ADGRL3: variants seen among roughly 807,000 people sequenced by gnomAD.
ADGRL3 encodes the protein calcium-independent alpha-latrotoxin receptor 3.
Under a neutral mutation model 153.5 loss-of-function variants are expected in ADGRL3, and 62 were observed. The observed-to-expected ratio is 0.40, with a 90% CI of 0.33 to 0.50. ADGRL3 has a LOEUF of 0.50. Ranked by LOEUF, ADGRL3 falls within the 20% of genes least tolerant of loss-of-function variation. The probability of loss-of-function intolerance (pLI) is 0.47; values close to 1 mark genes in which losing one functional copy is unlikely to be tolerated. For synonymous variants in ADGRL3, 710 were observed against 672.5 expected, an observed-to-expected ratio of 1.06 and a Z score of -0.86; for missense variants, 1,641 against 1,859.4, an observed-to-expected ratio of 0.88 and a Z score of 2.16.
At chr4:62,015,915 A>G (rs1042963034) in intron 21 of ADGRL3, among the ~76,000 whole-genome samples, 1 of 151,854 alleles carries the variant, frequency 6.6e-6, no homozygotes, top group African/African-American at 2.4e-5. Flanking sequence ...ATAATTTATA[A>G]TATATAAACT....
Position 61,565,776 on chromosome 4 carries a change from GA to G in ADGRL3, c.260-21450del, listed in dbSNP as rs752421167. Among the ~76,000 whole-genome samples, 11 of 152,090 alleles carry G rather than the reference GA, an allele frequency of 7.2e-5. No individual in the cohort carries two copies. In the East Asian group the frequency reaches 1.4e-3, roughly 19 times the overall value. ...TGGTCTTGAACTCCTGGCCTCAGGG[GA>G]TCTGCCTGCCTAGGCCTCCCAAAGT... On this transcript the variant is annotated intron_variant, in intron 4 of 26. Coordinates refer to ENST00000683033, the MANE Select transcript of ADGRL3 (RefSeq NM_001387552.1).
Position 61,307,797 on chromosome 4 carries a change from C to G in ADGRL3, c.-239-75327C>G, listed in dbSNP as rs527758365. On this transcript the variant is annotated intron_variant, in intron 1 of 26. Coordinates refer to ENST00000683033, the MANE Select transcript of ADGRL3 (RefSeq NM_001387552.1). Reference sequence around the variant, plus strand: ...GTACTGAAGGATGAATTCTGTAATCCAGTCATTGGATAATTAGCAATTTGA... The same window carrying G: ...GTACTGAAGGATGAATTCTGTAATCGAGTCATTGGATAATTAGCAATTTGA... Among the ~76,000 whole-genome samples the G allele has an allele frequency of 3.3e-5, 5 of 152,174 alleles. No individual in the cohort carries two copies. The South Asian group carries it at 1.0e-3, about 32-fold the overall frequency.
chr4:61,428,186 G>A (rs115130840), intron 2 of ADGRL3: 2,367 of 152,766 alleles, frequency 0.015, 58 homozygotes, highest in African/African-American at 0.054. Flanking sequence ...CACTCGGGGG[G>A]CCGTAGGCAG....
chr4:61,750,635 CA>C (rs2096743410), intron 8 of ADGRL3, among the ~76,000 whole-genome samples: 2 of 151,894 alleles, frequency 1.3e-5, no homozygotes, highest in Non-Finnish European at 1.5e-5. Context: ...ACTAAAAATA[CA>C]AAATTTAGCC....
intron 2 of ADGRL3, among the ~76,000 whole-genome samples, chr4:61,479,408 G>GT (rs1321490776): frequency 6.6e-6 from 1 of 151,996 alleles, no homozygotes; most frequent in Non-Finnish European, 1.5e-5. Context: ...TTCCTATAGA[G>GT]TACCTTGGTG....
Position 62,071,777 on chromosome 4 carries a change from C to T in ADGRL3, c.*869C>T, listed in dbSNP as rs190991198. 175 of 391,080 alleles carry T rather than the reference C, an allele frequency of 4.5e-4. No individual in the cohort carries two copies. Among genetic ancestry groups the T allele is most frequent in the Non-Finnish European group, 6.3e-4 (127 of 203,094 alleles). The allele number at this position is 391,080 out of a possible 1,614,324, so 24.2% of individuals were successfully genotyped here. On this transcript the variant is annotated 3_prime_UTR_variant, in exon 27 of 27. Transcript: ENST00000683033. Reference sequence around the variant, plus strand: ...TTTGCCTTTTATTCCTTTAAAATTTCGCCTGGCAAAAAATAAATAAATGGA... The same window carrying T: ...TTTGCCTTTTATTCCTTTAAAATTTTGCCTGGCAAAAAATAAATAAATGGA...
chr4:61,583,175 A>G (rs747878807), intron 4 of ADGRL3, among the ~76,000 whole-genome samples: 1 of 152,020 alleles, frequency 6.6e-6, no homozygotes, highest in African/African-American at 2.4e-5. Context: ...CCCTTCTATG[A>G]AAGCCCCTAG....
At position 61,202,156 on chromosome 4, in the gene ADGRL3, AG is replaced by A. The variant is rs958870827; in HGVS notation, c.-240+394del. ...CTGGTGGGGGCAGAAAGCGGACAGG[AG>A]GGCGACTTTTCTCCGTCAGGCTGGA... On this transcript the variant is annotated intron_variant, in intron 1 of 26. Transcript: ENST00000683033. This position sits in a 1 kb window ranked among gnomAD's most constrained non-coding sequence, Gnocchi z 5.0. 1 of 153,252 alleles carries A rather than the reference AG, an allele frequency of 6.5e-6. No individual in the cohort carries two copies. The highest frequency in any genetic ancestry group is 2.4e-5 in the African/African-American group (1 of 41,472). 9.5% of individuals were successfully genotyped at this position (153,252 alleles called of 1,614,324 possible).
At chr4:61,653,389 TA>T (rs2094337588) in intron 5 of ADGRL3, among the ~76,000 whole-genome samples, 1 of 152,272 alleles carries the variant, frequency 6.6e-6, no homozygotes, top group East Asian at 1.9e-4. Flanking sequence ...CTGAACTGAC[TA>T]AAATATATGC....
intron 1 of ADGRL3, among the ~76,000 whole-genome samples, chr4:61,367,952 T>A (rs62314370): frequency 0.22 from 33,223 of 150,066 alleles, 3,982 homozygotes; most frequent in Admixed American, 0.27. Flanking sequence ...AGATGGTATC[T>A]CATTGTGGTT....
chr4:61,292,609 T>C (rs1264218867), intron 1 of ADGRL3, among the ~76,000 whole-genome samples: 1 of 152,174 alleles, frequency 6.6e-6, no homozygotes, highest in Admixed American at 6.6e-5. Context: ...ATGCATCCGA[T>C]GCATGGTCGT....
intron 2 of ADGRL3, among the ~76,000 whole-genome samples, chr4:61,456,059 A>C (rs1455852425): frequency 1.3e-5 from 2 of 151,368 alleles, no homozygotes; most frequent in Non-Finnish European, 2.9e-5. Flanking sequence ...CAGGTTATCC[A>C]CCCGCCTTGA....
At chr4:61,624,598 T>G (rs2092721582) in intron 5 of ADGRL3, among the ~76,000 whole-genome samples, 3 of 152,098 alleles carry the variant, frequency 2.0e-5, no homozygotes, top group Admixed American at 2.0e-4. Flanking sequence ...ACTGCTTTCC[T>G]ATGCATCTAG....
intron 1 of ADGRL3, among the ~76,000 whole-genome samples, chr4:61,269,796 A>G (rs2093056324): frequency 6.6e-6 from 1 of 151,770 alleles, no homozygotes; most frequent in South Asian, 2.1e-4. Context: ...CTGCTAGATG[A>G]TTTATTAACT....
At chr4:61,736,343 C>T (rs187164119) in intron 8 of ADGRL3, among the ~76,000 whole-genome samples, 3 of 152,142 alleles carry the variant, frequency 2.0e-5, no homozygotes, top group Admixed American at 2.0e-4. Flanking sequence ...CGTACTAGTG[C>T]CGATATTTGT....
Position 61,646,078 on chromosome 4 carries a change from G to A in ADGRL3, c.474-30748G>A, listed in dbSNP as rs183188777. Among the ~76,000 whole-genome samples, 318 of 152,030 alleles carry A rather than the reference G, an allele frequency of 2.1e-3. 5 individuals are homozygous for A. Among genetic ancestry groups the A allele is most frequent in the East Asian group, 5.8e-4 (3 of 5,176 alleles). On this transcript the variant is annotated intron_variant, in intron 5 of 26. Coordinates refer to ENST00000683033, the MANE Select transcript of ADGRL3 (RefSeq NM_001387552.1). ...TACCCTTTCTCCAGTTGATGGCATC[G>A]GCTCCTGAGGCCTCTGCATTCTTTA...
At chr4:61,586,290 G>A (rs527596698) in intron 4 of ADGRL3, among the ~76,000 whole-genome samples, 1 of 151,886 alleles carries the variant, frequency 6.6e-6, no homozygotes, top group Non-Finnish European at 1.5e-5. Flanking sequence ...CAGCCAAGGT[G>A]CACAGATAGG....
intron 4 of ADGRL3, among the ~76,000 whole-genome samples, chr4:61,532,555 C>CGTGTGTGTGTGT (rs56053700): frequency 7.6e-6 from 1 of 131,472 alleles, no homozygotes; most frequent in African/African-American, 2.8e-5. Context: ...CGCGCGCGCG[C>CGTGTGTGTGTGT]GTGTGTGTGT....
intron 9 of ADGRL3, among the ~76,000 whole-genome samples, chr4:61,822,702 A>T (rs1581004202): frequency 1.3e-5 from 2 of 152,142 alleles, no homozygotes; most frequent in African/African-American, 2.4e-5. Context: ...GAGAATAATT[A>T]TCCCAGAGAG....
Sources: allele counts gnomAD v4.1 joint callset (sites outside exome capture counted in the v4.1 genomes callset), GRCh38; gene constraint gnomAD v4.1.1; non-coding constraint Gnocchi (gnomAD v3.1); transcripts MANE v1.5; gene names NCBI Gene and HGNC (gene_info 2026-07-23, HGNC 2026-07-21).